MKLN1: variants seen among roughly 807,000 people sequenced by gnomAD.
MKLN1 encodes the protein muskelin 1.
A neutral mutation model predicts 99.0 loss-of-function variants in MKLN1; 18 were observed. That is an observed-to-expected ratio of 0.18 (90% confidence interval 0.13 to 0.27). The LOEUF is 0.27. Ranked by LOEUF, MKLN1 falls within the 10% of genes least tolerant of loss-of-function variation. MKLN1 has a pLI of 1.00. For missense variants in MKLN1, 621 were observed against 875.9 expected, an observed-to-expected ratio of 0.71 and a Z score of 3.67; for synonymous variants, 288 against 293.2, an observed-to-expected ratio of 0.98 and a Z score of 0.18.
intron 1 of MKLN1, among the ~76,000 whole-genome samples, chr7:131,361,025 C>T (rs373855610): frequency 6.6e-6 from 1 of 151,998 alleles, no homozygotes; most frequent in Non-Finnish European, 1.5e-5. Context: ...TGTAATTCTT[C>T]TCCTTGTTTC....
chr7:131,312,467 A>T (rs980298258), intron 3 of MKLN1, among the ~76,000 whole-genome samples: 1 of 152,262 alleles, frequency 6.6e-6, no homozygotes, highest in Non-Finnish European at 1.5e-5. Flanking sequence ...TTTTTAGAAA[A>T]GTTAATAATC....
intron 2 of MKLN1, among the ~76,000 whole-genome samples, chr7:131,181,068 G>A (rs1392601302): frequency 1.3e-5 from 2 of 152,294 alleles, no homozygotes; most frequent in African/African-American, 4.8e-5. Flanking sequence ...TAATTCTGCA[G>A]TTGGACGTTT....
intron 3 of MKLN1, among the ~76,000 whole-genome samples, chr7:131,254,162 C>T (rs1026572000): frequency 4.6e-5 from 7 of 152,156 alleles, no homozygotes; most frequent in African/African-American, 1.7e-4. Flanking sequence ...AAAATGATTG[C>T]CATCCCGAGG....
chr7:131,162,209 A>AT (rs1175828990), intron 2 of MKLN1, among the ~76,000 whole-genome samples: 1 of 151,582 alleles, frequency 6.6e-6, no homozygotes, highest in African/African-American at 2.4e-5. Flanking sequence ...TGCACCACCA[A>AT]GCCCGGCTAA....
chr7:131,421,064 C>T (rs1262441036), intron 8 of MKLN1, among the ~76,000 whole-genome samples: 2 of 152,040 alleles, frequency 1.3e-5, no homozygotes, highest in Non-Finnish European at 2.9e-5. Flanking sequence ...ACTATGCTTC[C>T]CAAAGCTGTA....
At chr7:131,277,579 C>T (rs1437169651) in intron 3 of MKLN1, among the ~76,000 whole-genome samples, 3 of 152,068 alleles carry the variant, frequency 2.0e-5, no homozygotes, top group East Asian at 1.9e-4. Context: ...CCACCACACC[C>T]GGCCTTTTTG....
chr7:131,142,667 A>C (rs1194770812), intron 1 of MKLN1, among the ~76,000 whole-genome samples: 4 of 150,902 alleles, frequency 2.7e-5, no homozygotes, highest in Non-Finnish European at 4.4e-5. Flanking sequence ...CCCGGGAAGC[A>C]GAGCTTGCAG....
intron 3 of MKLN1, among the ~76,000 whole-genome samples, chr7:131,387,599 A>G (rs1794071228): frequency 6.6e-6 from 1 of 152,202 alleles, no homozygotes; most frequent in South Asian, 2.1e-4. Flanking sequence ...GTAAAAAAAA[A>G]TACAGGCTCT....
intron 17 of MKLN1, among the ~76,000 whole-genome samples, chr7:131,481,676 A>G (rs1227272316): frequency 6.6e-6 from 1 of 152,124 alleles, no homozygotes; most frequent in Non-Finnish European, 1.5e-5. Flanking sequence ...TTTCATGCCT[A>G]TTTAGAGTTC....
intron 3 of MKLN1, among the ~76,000 whole-genome samples, chr7:131,299,367 C>T (rs990975305): frequency 1.3e-5 from 2 of 151,908 alleles, no homozygotes; most frequent in Admixed American, 1.3e-4. Context: ...CAATGAACTA[C>T]ATGAAAAAAG....
intron 3 of MKLN1, among the ~76,000 whole-genome samples, chr7:131,278,788 C>G (rs546595828): frequency 1.3e-5 from 2 of 151,764 alleles, no homozygotes; most frequent in South Asian, 4.2e-4. Context: ...TTTGTAGAGA[C>G]AGGGTCTTAC....
chr7:131,291,897 G>A (rs1798224346), intron 3 of MKLN1, among the ~76,000 whole-genome samples: 1 of 152,112 alleles, frequency 6.6e-6, no homozygotes, highest in African/African-American at 2.4e-5. Flanking sequence ...TTGAGACCAG[G>A]AGTTCGAGAC....
intron 12 of MKLN1, among the ~76,000 whole-genome samples, chr7:131,460,656 A>T (rs1399242356): frequency 6.6e-6 from 1 of 152,152 alleles, no homozygotes; most frequent in African/African-American, 2.4e-5. Context: ...GAAGTTTTTC[A>T]TCTTTTATCT....
chr7:131,312,331 T>C (rs570032046), intron 3 of MKLN1, among the ~76,000 whole-genome samples: 2 of 152,172 alleles, frequency 1.3e-5, no homozygotes, highest in African/African-American at 4.8e-5. Context: ...CCCTCAGTTT[T>C]AACTGCATAA....
chr7:131,380,203 T>C (rs944236868), intron 2 of MKLN1, among the ~76,000 whole-genome samples: 2 of 152,324 alleles, frequency 1.3e-5, no homozygotes, highest in East Asian at 3.9e-4. Flanking sequence ...GTAGTATCCC[T>C]AGCAATAGAC....
chr7:131,428,392 A>C (rs1278297908), intron 8 of MKLN1, among the ~76,000 whole-genome samples: 1 of 152,110 alleles, frequency 6.6e-6, no homozygotes, highest in Non-Finnish European at 1.5e-5. Context: ...ATCTGGAAAA[A>C]TTTCTCCCAG....
At chr7:131,286,053 C>T (rs556300080) in intron 3 of MKLN1, among the ~76,000 whole-genome samples, 10 of 151,698 alleles carry the variant, frequency 6.6e-5, no homozygotes, top group Admixed American at 1.3e-4. Flanking sequence ...CGGGTTCAAG[C>T]GATTCTCGTG....
chr7:131,353,903 TAAAAA>T (rs35581656), intron 1 of MKLN1, among the ~76,000 whole-genome samples: 19,207 of 113,650 alleles, frequency 0.17, 1,644 homozygotes, highest in African/African-American at 0.26. Flanking sequence ...TGTACCTTTG[TAAAAA>T]AAAAAAAAAA....
At chr7:131,274,188 G>A (rs932074440) in intron 3 of MKLN1, among the ~76,000 whole-genome samples, 8 of 152,096 alleles carry the variant, frequency 5.3e-5, no homozygotes, top group East Asian at 1.9e-4. Context: ...GGGGGAGGTC[G>A]TTTGTTCAAA....
Sources: gnomAD v4.1 joint callset for allele counts (sites outside exome capture counted in the v4.1 genomes callset) on GRCh38, gnomAD v4.1.1 for gene constraint, MANE v1.5 for transcripts, NCBI Gene and HGNC (gene_info 2026-07-23, HGNC 2026-07-21) for gene names.